C8orf34: variants seen among roughly 807,000 people sequenced by gnomAD.
C8orf34 encodes the protein chromosome 8 open reading frame 34.
A neutral mutation model predicts 68.3 loss-of-function variants in C8orf34; 65 were observed. That is an observed-to-expected ratio of 0.95 (90% CI 0.78 to 1.17). C8orf34 has a LOEUF of 1.17. C8orf34 is among the 50% of genes most tolerant of loss of function. The probability of loss-of-function intolerance (pLI) is 0.00; values close to 1 mark genes in which losing one functional copy is unlikely to be tolerated. For synonymous variants in C8orf34, 244 were observed against 241.2 expected (o/e 1.01, Z -0.11); for missense variants, 664 against 655.4 (o/e 1.01, Z -0.14).
chr8:68,590,160 G>A (rs991684574), intron 7 of C8orf34, among the ~76,000 whole-genome samples: 2 of 139,564 alleles, frequency 1.4e-5, no homozygotes, highest in African/African-American at 5.3e-5. Flanking sequence ...GGAAAGGAAA[G>A]AAGGAAGGAG....
intron 4 of C8orf34, among the ~76,000 whole-genome samples, chr8:68,475,912 C>A (rs1283910753): frequency 6.6e-6 from 1 of 152,096 alleles, no homozygotes; most frequent in Admixed American, 6.6e-5. Context: ...CTGGCTGGAG[C>A]CTTTCCAAGG....
chr8:68,541,756 G>T (rs1022993432), intron 7 of C8orf34, among the ~76,000 whole-genome samples: 5 of 152,080 alleles, frequency 3.3e-5, no homozygotes, highest in Admixed American at 2.0e-4. Context: ...ACAACTTTCT[G>T]AAAAGATCAT....
Position 68,468,696 on chromosome 8 carries a change from A to G in C8orf34, c.612A>G (p.Pro204=), listed in dbSNP as rs1014719154. ...TACCATTTTTTTTAAACATAGTGCC[A>G]AGGTCAGTAGAGCATCCAAAGTGGA... is the stretch of plus-strand genomic sequence containing the variant. The part of the protein sequence containing the change: ...SPPSPDSKSL[P]RSVEHPKWNW... Residue 204 remains proline (P), a synonymous_variant, in exon 4 of 14, where the codon CCA becomes CCG. Coordinates refer to ENST00000518698, the MANE Select transcript of C8orf34 (RefSeq NM_052958.4). 1.9e-6 allele frequency: 3 copies of G among 1,610,576 alleles called. No individual in the cohort carries two copies. The highest frequency in any genetic ancestry group is 1.7e-6 in the Non-Finnish European group (2 of 1,178,536).
intron 1 of C8orf34, among the ~76,000 whole-genome samples, chr8:68,419,431 G>A (rs1256915774): frequency 6.7e-6 from 1 of 150,100 alleles, no homozygotes; most frequent in Admixed American, 6.6e-5. Flanking sequence ...GATTCCTCAG[G>A]GATCTAGAAC....
chr8:68,489,898 A>C (rs543880758), intron 5 of C8orf34, among the ~76,000 whole-genome samples: 1 of 152,240 alleles, frequency 6.6e-6, no homozygotes, highest in Non-Finnish European at 1.5e-5. Context: ...ATAATTTATG[A>C]ATATATTCTT....
chr8:68,584,894 G>A (rs1302242497), intron 7 of C8orf34, among the ~76,000 whole-genome samples: 2 of 151,988 alleles, frequency 1.3e-5, no homozygotes, highest in Admixed American at 6.6e-5. Context: ...TTCTCCCTCT[G>A]GCTCCACAGC....
At chr8:68,817,463 CT>C (rs1329458258) in intron 13 of C8orf34, among the ~76,000 whole-genome samples, 1 of 152,134 alleles carries the variant, frequency 6.6e-6, no homozygotes, top group Admixed American at 6.6e-5. Flanking sequence ...TTCTCCCTCT[CT>C]TTCATCAAAT....
At chr8:68,578,032 TAA>T (rs1256528608) in intron 7 of C8orf34, among the ~76,000 whole-genome samples, 1 of 150,522 alleles carries the variant, frequency 6.6e-6, no homozygotes, top group Non-Finnish European at 1.5e-5. Context: ...TCATTTATAA[TAA>T]GTTAAAAAAA....
chr8:68,787,480 C>A lies in C8orf34; in HGVS notation c.1493C>A (p.Pro498Gln), dbSNP rs149687512. The A allele has an allele frequency of 1.9e-6, 3 of 1,612,396 alleles. No individual in the cohort carries two copies. The highest frequency in any genetic ancestry group is 2.5e-6 in the Non-Finnish European group (3 of 1,178,956). Reference protein sequence around the residue: ...SLKQLQVVHQPWILPSDTESE... With the variant: ...SLKQLQVVHQQWILPSDTESE... ...AAGCAATTGCAGGTAGTTCATCAAC[C>A]ATGGATCTTGCCAAGTGACACAGAA... The change falls in exon 12 of 14, where the codon CCA (proline) becomes CAA (glutamine). Residue 498 changes from proline (P) to glutamine (Q), a missense_variant. Physicochemically the swap from Pro to Gln is moderately conservative, Grantham distance 76 (BLOSUM62 -1). Coordinates refer to ENST00000518698, the MANE Select transcript of C8orf34 (RefSeq NM_052958.4).
intron 5 of C8orf34, among the ~76,000 whole-genome samples, chr8:68,504,326 T>C (rs1813908201): frequency 6.6e-6 from 1 of 152,222 alleles, no homozygotes; most frequent in Non-Finnish European, 1.5e-5. Flanking sequence ...TTCTTATTCA[T>C]CAGTTGACGG....
intron 4 of C8orf34, among the ~76,000 whole-genome samples, chr8:68,477,378 C>A (rs1812666483): frequency 6.6e-6 from 1 of 152,186 alleles, no homozygotes; most frequent in Non-Finnish European, 1.5e-5. Context: ...GAGGCAAGGA[C>A]AGAAATGAAT....
Position 68,721,399 on chromosome 8 carries a change from G to C in C8orf34, c.1366G>C (p.Gly456Arg). ...GACTGAAGAAGCACTAATGGAGGAG[G>C]GTGACGAATTTGAGAAAGCATCTAA... ...PGTEEALMEE[G>R]DEFEKASKLT... Residue 456 changes from glycine to arginine, a missense_variant, in exon 10 of 14, where the codon GGT (glycine) becomes CGT (arginine). Transcript: ENST00000518698. 2 of 1,609,428 alleles carry C rather than the reference G, an allele frequency of 1.2e-6. No homozygotes were observed. Among genetic ancestry groups the C allele is most frequent in the Non-Finnish European group, 8.5e-7 (1 of 1,177,104 alleles).
intron 1 of C8orf34, among the ~76,000 whole-genome samples, chr8:68,354,345 C>A (rs575941072): frequency 6.6e-6 from 1 of 151,870 alleles, no homozygotes; most frequent in Non-Finnish European, 1.5e-5. Flanking sequence ...TTCTTACAGA[C>A]TTTTTTTGTT....
intron 12 of C8orf34, among the ~76,000 whole-genome samples, chr8:68,802,364 T>C (rs1824357228): frequency 6.6e-6 from 1 of 152,170 alleles, no homozygotes; most frequent in African/African-American, 2.4e-5. Flanking sequence ...CCTCCCAAAA[T>C]GCTGGGATTA....
intron 7 of C8orf34, among the ~76,000 whole-genome samples, chr8:68,598,786 GT>G: frequency 6.6e-6 from 1 of 152,226 alleles, no homozygotes; most frequent in Admixed American, 6.5e-5. Context: ...TAGAAAATTT[GT>G]AAGATGTTAA....
At chr8:68,400,016 T>G (rs1808879667) in intron 1 of C8orf34, among the ~76,000 whole-genome samples, 1 of 152,140 alleles carries the variant, frequency 6.6e-6, no homozygotes, top group Non-Finnish European at 1.5e-5. Context: ...ATTTGGGGTT[T>G]TTGTTGTTGC....
intron 7 of C8orf34, among the ~76,000 whole-genome samples, chr8:68,542,480 G>A (rs1359886952): frequency 1.3e-5 from 2 of 151,858 alleles, no homozygotes; most frequent in African/African-American, 4.8e-5. Flanking sequence ...TTCACAGTTA[G>A]CATTGGTAAT....
chr8:68,457,381 T>A (rs1811597797), intron 3 of C8orf34, among the ~76,000 whole-genome samples: 2 of 152,160 alleles, frequency 1.3e-5, no homozygotes, highest in African/African-American at 4.8e-5. Context: ...ATTATAACTG[T>A]AGTACTGGGG....
chr8:68,754,714 T>C (rs1239170124), intron 10 of C8orf34, among the ~76,000 whole-genome samples: 2 of 152,246 alleles, frequency 1.3e-5, no homozygotes, highest in Non-Finnish European at 2.9e-5. Context: ...TCTGAAATTC[T>C]ACTTTATAAA....
Sources: allele counts gnomAD v4.1 joint callset (sites outside exome capture counted in the v4.1 genomes callset), GRCh38; gene constraint gnomAD v4.1.1; transcripts MANE v1.5; gene names NCBI Gene and HGNC (gene_info 2026-07-23, HGNC 2026-07-21).